Variants in DOCK3 observed in about 807,000 individuals in gnomAD.
DOCK3 encodes the protein dedicator of cytokinesis 3, also known as dedicator of cytokinesis protein 3.
DOCK3 carries 60 observed loss-of-function variants against 265.6 expected under a neutral mutation model. That is an observed-to-expected ratio of 0.23 (90% CI 0.18 to 0.28). DOCK3 has a LOEUF of 0.28. Ranked by LOEUF, DOCK3 falls within the 10% of genes least tolerant of loss-of-function variation. The pLI, the probability that DOCK3 is intolerant of heterozygous loss-of-function variation, is 1.00. For missense variants in DOCK3, 1,981 were observed against 2,594.3 expected, an observed-to-expected ratio of 0.76 and a Z score of 5.14; for synonymous variants, 881 against 938.0, an observed-to-expected ratio of 0.94 and a Z score of 1.11.
At chr3:51,327,123 G>A (rs566742418) in intron 32 of DOCK3, among the ~76,000 whole-genome samples, 23 of 152,110 alleles carry the variant, frequency 1.5e-4, no homozygotes, top group African/African-American at 5.1e-4. Context: ...AGCAATCACC[G>A]TGCTGAGCCG....
intron 12 of DOCK3, among the ~76,000 whole-genome samples, chr3:51,192,057 C>T (rs1350242242): frequency 6.6e-6 from 1 of 150,578 alleles, no homozygotes; most frequent in African/African-American, 2.4e-5. Context: ...ACTTACACAA[C>T]ATCCCCTTTT....
intron 5 of DOCK3, among the ~76,000 whole-genome samples, chr3:51,019,841 T>C (rs527762008): frequency 3.9e-5 from 6 of 152,076 alleles, no homozygotes; most frequent in Admixed American, 2.0e-4. Flanking sequence ...TATTCCATGG[T>C]GTATATATAC....
intron 31 of DOCK3, among the ~76,000 whole-genome samples, chr3:51,313,428 A>G (rs2083204849): frequency 6.6e-6 from 1 of 152,236 alleles, no homozygotes; most frequent in African/African-American, 2.4e-5. Context: ...GGGTGAGATC[A>G]GTTTTGGCTT....
At chr3:51,114,292 C>G (rs2083641808) in intron 9 of DOCK3, among the ~76,000 whole-genome samples, 1 of 152,100 alleles carries the variant, frequency 6.6e-6, no homozygotes, top group Non-Finnish European at 1.5e-5. Context: ...GCTAAGTAGA[C>G]TGTAAAGGAG....
chr3:51,100,479 C>T (rs978968246), intron 9 of DOCK3, among the ~76,000 whole-genome samples: 1 of 152,150 alleles, frequency 6.6e-6, no homozygotes, highest in Non-Finnish European at 1.5e-5. Context: ...AAATGGGAAT[C>T]TCAAATTCTA....
chr3:50,729,756 A>T lies in DOCK3; in HGVS notation c.38-48919A>T, dbSNP rs9835512. ...GGCTGATTTTGAACTCCTGGCCTCA[A>T]GTGATCCTCTCAGCCTCCCATATTG... On this transcript the variant is annotated intron_variant, in intron 1 of 52. Coordinates refer to ENST00000266037, the MANE Select transcript of DOCK3 (RefSeq NM_004947.5). Among the ~76,000 whole-genome samples the T allele has an allele frequency of 2.7e-3, 406 of 151,722 alleles. 1 individual carries two copies. The highest frequency in any genetic ancestry group is 9.4e-3 in the African/African-American group (388 of 41,294).
chr3:51,265,406 A>C (rs2080109527), intron 23 of DOCK3, among the ~76,000 whole-genome samples: 1 of 152,156 alleles, frequency 6.6e-6, no homozygotes. Context: ...AAAACAGAAA[A>C]TTTCAGGCCA....
At chr3:50,752,467 C>CCACT (rs1426380380) in intron 1 of DOCK3, among the ~76,000 whole-genome samples, 1 of 151,430 alleles carries the variant, frequency 6.6e-6, no homozygotes, top group Non-Finnish European at 1.5e-5. Context: ...TGAGATCACG[C>CCACT]CACTGCACTC....
intron 15 of DOCK3, 67 bp from the exon 16 acceptor site, chr3:51,227,216 C>A: frequency 6.4e-7 from 1 of 1,568,006 alleles, no homozygotes; most frequent in Non-Finnish European, 8.7e-7. Context: ...GAAAAGTGTC[C>A]TAGTGACACA....
At chr3:50,719,064 G>GT (rs1200216028) in intron 1 of DOCK3, among the ~76,000 whole-genome samples, 2 of 151,998 alleles carry the variant, frequency 1.3e-5, no homozygotes, top group Non-Finnish European at 2.9e-5. Context: ...GATTACAGGC[G>GT]TGAGCCACTG....
rs2088724251 is a variant in DOCK3 at position 51,382,633 on chromosome 3, G to A, written c.*1074G>A. On this transcript the variant is annotated 3_prime_UTR_variant, in exon 53 of 53. Transcript: ENST00000266037. ...CAGGTTCAGCAGGCTCCTGGGTAAAGAGGGTGGGAGGGGGCTTCTCCTTTT... is the reference window on the plus strand; with the variant it reads ...CAGGTTCAGCAGGCTCCTGGGTAAAAAGGGTGGGAGGGGGCTTCTCCTTTT... 1 of 152,594 alleles carries A rather than the reference G, an allele frequency of 6.6e-6. No homozygotes were observed. The highest frequency in any genetic ancestry group is 2.1e-4 in the South Asian group (1 of 4,828). The allele number at this position is 152,594 out of a possible 1,614,324, so 9.5% of individuals were successfully genotyped here. A position where few individuals can be genotyped will look rare whatever the true frequency, so the allele number is the denominator to read the frequency against.
At chr3:51,338,501 A>T in intron 36 of DOCK3, 82 bp downstream of exon 36, 1 of 1,478,090 alleles carries the variant, frequency 6.8e-7, no homozygotes, top group East Asian at 2.5e-5. Context: ...GCCCTTCTAC[A>T]ATACATGGCT....
chr3:50,845,927 G>A (rs188978272), intron 3 of DOCK3, among the ~76,000 whole-genome samples: 11 of 152,308 alleles, frequency 7.2e-5, no homozygotes, highest in Admixed American at 5.9e-4. Flanking sequence ...TTGAAGCTGA[G>A]TGATGGATTT....
At chr3:51,136,957 C>T (rs542566475) in intron 9 of DOCK3, among the ~76,000 whole-genome samples, 1 of 151,956 alleles carries the variant, frequency 6.6e-6, no homozygotes, top group African/African-American at 2.4e-5. Context: ...AAGAGAAAAG[C>T]TGACACTATG....
chr3:50,770,382 C>A (rs2041197780), intron 1 of DOCK3, among the ~76,000 whole-genome samples: 1 of 145,710 alleles, frequency 6.9e-6, no homozygotes, highest in African/African-American at 2.6e-5. Flanking sequence ...AAGAATTAAC[C>A]AAAAAAGTAA....
chr3:50,977,443 C>G (rs1262742586), intron 5 of DOCK3, among the ~76,000 whole-genome samples: 2 of 152,044 alleles, frequency 1.3e-5, no homozygotes, highest in Non-Finnish European at 2.9e-5. Flanking sequence ...GTTGAAAATT[C>G]TTTTCTTTAA....
At chr3:51,092,132 A>G (rs1466144896) in intron 9 of DOCK3, among the ~76,000 whole-genome samples, 1 of 152,106 alleles carries the variant, frequency 6.6e-6, no homozygotes, top group Non-Finnish European at 1.5e-5. Context: ...TCCATAACCC[A>G]TTGGCACCTG....
chr3:51,212,852 G>C (rs1362071725), intron 13 of DOCK3, among the ~76,000 whole-genome samples: 3 of 152,062 alleles, frequency 2.0e-5, no homozygotes, highest in Non-Finnish European at 1.5e-5. Context: ...TGACACTTGA[G>C]ATACCATGTT....
chr3:50,968,966 A>G (rs2077114750), intron 5 of DOCK3, among the ~76,000 whole-genome samples: 2 of 152,178 alleles, frequency 1.3e-5, no homozygotes, highest in Non-Finnish European at 2.9e-5. Context: ...GTTATTGGGT[A>G]GAGTGTTCTA....
Sources: allele counts gnomAD v4.1 joint callset (sites outside exome capture counted in the v4.1 genomes callset), GRCh38; gene constraint gnomAD v4.1.1; transcripts MANE v1.5; gene names NCBI Gene and HGNC (gene_info 2026-07-23, HGNC 2026-07-21).